Variants in TASOR observed in about 807,000 individuals in gnomAD.
TASOR encodes transcription activation suppressor.
In TASOR, 53 loss-of-function variants were observed where a neutral mutation model predicts 178.6. That is an observed-to-expected ratio of 0.30 (90% CI 0.24 to 0.37). The LOEUF (loss-of-function observed/expected upper bound fraction) is 0.37. Among genes scored for constraint, TASOR ranks in the 10% least tolerant of loss-of-function variants. The probability of loss-of-function intolerance (pLI) is 1.00; values close to 1 mark genes in which losing one functional copy is unlikely to be tolerated. For missense variants in TASOR, 1,815 were observed against 1,971.4 expected (o/e 0.92, Z 1.50); for synonymous variants, 713 against 696.2 (o/e 1.02, Z -0.38).
In TASOR at chr3:56,671,630, G is replaced by A. The variant is rs761670787; in HGVS notation, c.540C>T (p.Ser180=). ...ATCGATCAACCATCAGAAATGCATAGGATTCTGAAAGTTCCTTATCTAAAC... is the reference window on the plus strand; with the variant it reads ...ATCGATCAACCATCAGAAATGCATAAGATTCTGAAAGTTCCTTATCTAAAC... ...DGRLDKELSE[S]YAFLMVDRYQ... The change falls in exon 3 of 24, where the codon TCC becomes TCT. Residue 180 remains serine (S), a synonymous_variant. Transcript: ENST00000683822. The A allele has an allele frequency of 1.9e-6, 3 of 1,549,170 alleles. No individual in the cohort carries two copies. Among genetic ancestry groups the A allele is most frequent in the African/African-American group, 1.4e-5 (1 of 72,964 alleles).
Position 56,627,140 on chromosome 3 carries a change from G to C in TASOR, c.4036C>G (p.Leu1346Val). The C allele has an allele frequency of 6.3e-7, 1 of 1,590,034 alleles. No individual in the cohort carries two copies. The highest frequency in any genetic ancestry group is 8.6e-7 in the Non-Finnish European group (1 of 1,161,226). The change falls in exon 21 of 24, where the codon CTT (leucine) becomes GTT (valine). Residue 1346 changes from leucine to valine, a missense_variant. Physicochemically the swap from Leu to Val is conservative, Grantham distance 32 (BLOSUM62 1). Transcript: ENST00000683822. ...LNPEVVTVEN[L>V]KNFLTFLEEL... ...TCAAGGAATGTCAAAAAATTTTTAA[G>C]GTTCTCTGTTAGAGATAATGAAGTT... is the stretch of plus-strand genomic sequence containing the variant.
chr3:56,625,128 G>C, intron 21 of TASOR, 122 bp from the exon 22 acceptor site: 1 of 823,572 alleles, frequency 1.2e-6, no homozygotes, highest in East Asian at 2.6e-5. Flanking sequence ...CACTGCTTTA[G>C]CTCTCTGCCT....
chr3:56,671,865 TATA>T (rs2030773901), intron 2 of TASOR, among the ~76,000 whole-genome samples, 173 bp from the exon 3 acceptor site: 2 of 152,142 alleles, frequency 1.3e-5, no homozygotes, highest in African/African-American at 4.8e-5. Context: ...GCTCTTTATA[TATA>T]ATATTAATAT....
At chr3:56,629,467 T>C (rs563863826) in intron 18 of TASOR, among the ~76,000 whole-genome samples, 11 of 152,306 alleles carry the variant, frequency 7.2e-5, no homozygotes, top group Admixed American at 2.6e-4. Flanking sequence ...ATAGCTCTAA[T>C]TCACAACAGC....
chr3:56,660,722 T>C lies in TASOR; in HGVS notation c.1368+9A>G. On this transcript the variant is annotated intron_variant, in intron 11 of 23. Coordinates refer to ENST00000683822, the MANE Select transcript of TASOR (RefSeq NM_001365635.2). ...AAGAATGAGAAACATTAAAAAACTT[T>C]TCACTCACAAGTTTTTCTCTGTCTA... The C allele has an allele frequency of 6.2e-7, 1 of 1,600,204 alleles. No homozygotes were observed. Among genetic ancestry groups the C allele is most frequent in the East Asian group, 2.2e-5 (1 of 44,768 alleles).
intron 1 of TASOR, among the ~76,000 whole-genome samples, chr3:56,674,154 T>C (rs375731809): frequency 2.0e-5 from 3 of 148,772 alleles, no homozygotes; most frequent in Non-Finnish European, 4.4e-5. Context: ...TAAGACGTTA[T>C]GTGAAGTAAC....
At chr3:56,624,756 C>A in intron 22 of TASOR, 72 bp downstream of exon 22, 1 of 1,562,802 alleles carries the variant, frequency 6.4e-7, no homozygotes, top group Non-Finnish European at 8.7e-7. Flanking sequence ...GCAATACCCA[C>A]CACAGCCCCA....
chr3:56,641,976 T>C (rs1331620477), intron 14 of TASOR, among the ~76,000 whole-genome samples: 1 of 152,222 alleles, frequency 6.6e-6, no homozygotes. Context: ...AATTTAAGCA[T>C]TCTATCAATA....
At chr3:56,666,033 G>A (rs982637920) in intron 7 of TASOR, among the ~76,000 whole-genome samples, 13 of 152,102 alleles carry the variant, frequency 8.5e-5, no homozygotes, top group African/African-American at 2.4e-4. Context: ...AGAGATTAGC[G>A]AGATGAGGTT....
At chr3:56,680,404 G>C (rs1414711388) in intron 1 of TASOR, among the ~76,000 whole-genome samples, 1 of 151,920 alleles carries the variant, frequency 6.6e-6, no homozygotes, top group African/African-American at 2.4e-5. Context: ...CACACTACTG[G>C]GAAGACCAAA....
intron 11 of TASOR, among the ~76,000 whole-genome samples, chr3:56,656,566 G>A (rs768374930): frequency 6.6e-5 from 10 of 151,996 alleles, no homozygotes; most frequent in Non-Finnish European, 1.2e-4. Context: ...ATTCCAGCCT[G>A]GGTGACAGAG....
Position 56,682,935 on chromosome 3 carries a change from G to A in TASOR, c.72C>T (p.Asp24=). 6.5e-7 allele frequency: 1 copy of A among 1,549,460 alleles called. No homozygotes were observed. The highest frequency in any genetic ancestry group is 8.7e-7 in the Non-Finnish European group (1 of 1,146,368). Reference sequence around the variant, plus strand: ...CCGGAAGCGCCTGCTTCATCTCGTCGTCTCCGCCGCCGCCACTTTCCCAAC... The same window carrying A: ...CCGGAAGCGCCTGCTTCATCTCGTCATCTCCGCCGCCGCCACTTTCCCAAC... ...DASWESGGGG[D]DEMKQALPEL... The change falls in exon 1 of 24, where the codon GAC becomes GAT. Residue 24 remains aspartate, a synonymous_variant. Transcript: ENST00000683822.
intron 17 of TASOR, among the ~76,000 whole-genome samples, chr3:56,635,899 A>G (rs1578204158): frequency 6.6e-6 from 1 of 152,254 alleles, no homozygotes; most frequent in South Asian, 2.1e-4. Flanking sequence ...TTAAATCCAC[A>G]TGGAGAATTT....
At chr3:56,657,043 G>A (rs1334876240) in intron 11 of TASOR, among the ~76,000 whole-genome samples, 7 of 150,364 alleles carry the variant, frequency 4.7e-5, no homozygotes, top group African/African-American at 1.5e-4. Flanking sequence ...AAGAAAGGGC[G>A]AGATGGCCAG....
intron 7 of TASOR, chr3:56,663,992 A>G (rs566162068): frequency 5.2e-6 from 2 of 381,052 alleles, no homozygotes; most frequent in East Asian, 1.7e-4. Flanking sequence ...AGATAAACAG[A>G]ACAAAGTTCC....
chr3:56,662,004 C>T (rs2077607328), intron 9 of TASOR, among the ~76,000 whole-genome samples: 1 of 151,760 alleles, frequency 6.6e-6, no homozygotes, highest in Admixed American at 6.6e-5. Flanking sequence ...GTGGCAGGAC[C>T]CTGTAATCCC....
intron 17 of TASOR, among the ~76,000 whole-genome samples, chr3:56,636,891 T>C (rs2077028390): frequency 6.6e-6 from 1 of 151,894 alleles, no homozygotes; most frequent in Admixed American, 6.6e-5. Context: ...AGATAACTAC[T>C]AGCCGGGCAC....
At chr3:56,650,617 G>A (rs60606369) in intron 11 of TASOR, among the ~76,000 whole-genome samples, 7,426 of 152,246 alleles carry the variant, frequency 0.049, 191 homozygotes, top group East Asian at 0.091. Flanking sequence ...TATAAAGGAA[G>A]TTCAAATATT....
chr3:56,682,905 A>C lies in TASOR; in HGVS notation c.102T>G (p.Leu34=), dbSNP rs1357796259. 1.9e-6 allele frequency: 3 copies of C among 1,539,550 alleles called. No individual in the cohort carries two copies. Among genetic ancestry groups the C allele is most frequent in the Non-Finnish European group, 2.6e-6 (3 of 1,137,662 alleles). Residue 34 remains leucine (L), a synonymous_variant, in exon 1 of 24, where the codon CTT becomes CTG. Coordinates refer to ENST00000683822, the MANE Select transcript of TASOR (RefSeq NM_001365635.2). The stretch of plus-strand genomic sequence containing the variant: ...CGCCGCCATTTTGTTGGGAGGACTC[A>C]AGCTCCGGAAGCGCCTGCTTCATCT... ...DDEMKQALPE[L]ESSQQNGGGG... is the part of the protein sequence containing the mutation.
Sources: gnomAD v4.1 joint callset for allele counts (sites outside exome capture counted in the v4.1 genomes callset) on GRCh38, gnomAD v4.1.1 for gene constraint, MANE v1.5 for transcripts, NCBI Gene and HGNC (gene_info 2026-07-23, HGNC 2026-07-21) for gene names.